The following MDN1 variants were observed in gnomAD, a reference collection of about 807,000 sequenced individuals.
MDN1 encodes midasin.
Under a neutral mutation model 669.2 loss-of-function variants are expected in MDN1, and 266 were observed. The observed-to-expected ratio is 0.40, with a 90% confidence interval of 0.36 to 0.44. The LOEUF (loss-of-function observed/expected upper bound fraction) is 0.44, where lower values mean the gene tolerates loss of function less well. MDN1 is among the 20% of genes least tolerant of loss of function. The probability of loss-of-function intolerance (pLI) is 1.00; values close to 1 mark genes in which losing one functional copy is unlikely to be tolerated. For synonymous variants in MDN1, 2,385 were observed against 2,457.1 expected, an observed-to-expected ratio of 0.97 and a Z score of 0.87; for missense variants, 5,940 against 6,754.0, an observed-to-expected ratio of 0.88 and a Z score of 4.22.
At chr6:89,804,388 T>C (rs1767878150) in intron 1 of MDN1, among the ~76,000 whole-genome samples, 1 of 152,144 alleles carries the variant, frequency 6.6e-6, no homozygotes, top group Admixed American at 6.6e-5. Context: ...CTGTTACAAA[T>C]AAGTTTCAGT....
chr6:89,745,473 G>C lies in MDN1; in HGVS notation c.4039+19C>G. On this transcript the variant is annotated intron_variant, in intron 28 of 101. Coordinates refer to ENST00000369393, the MANE Select transcript of MDN1 (RefSeq NM_014611.3). ...GTACAACTCAAATCATATTCCTCTA[G>C]GGATTTTGGCCTACTCACCCAGCAA... is the stretch of plus-strand genomic sequence containing the variant. 6.2e-7 allele frequency: 1 copy of C among 1,613,888 alleles called. No individual in the cohort carries two copies. Among genetic ancestry groups the C allele is most frequent in the Non-Finnish European group, 8.5e-7 (1 of 1,179,906 alleles).
intron 13 of MDN1, among the ~76,000 whole-genome samples, chr6:89,773,573 TAC>T (rs1481239282): frequency 1.4e-5 from 2 of 138,062 alleles, no homozygotes; most frequent in African/African-American, 5.4e-5. Flanking sequence ...AGAAAAGAAA[TAC>T]ACACACAAGG....
intron 27 of MDN1, among the ~76,000 whole-genome samples, chr6:89,746,490 G>A (rs1199126783): frequency 6.6e-6 from 1 of 151,634 alleles, no homozygotes; most frequent in Non-Finnish European, 1.5e-5. Context: ...GCTGAGGCAG[G>A]AGAACTGCTT....
At chr6:89,712,451 C>G (rs1397860001) in intron 48 of MDN1, 124 bp downstream of exon 48, 6 of 1,067,322 alleles carry the variant, frequency 5.6e-6, no homozygotes, top group Non-Finnish European at 7.0e-6. Context: ...AACAATAAAA[C>G]TATGACAGCT....
rs1584116741 is a variant in MDN1, at chr6:89,663,062, C to G, written c.14237-95G>C. On this transcript the variant is annotated intron_variant, in intron 85 of 101. Transcript: ENST00000369393. ...TGGACCCGCTTCCCTAGCAAGGGCCCCACCTGAGATTTATTGCCTTTTTCT... is the reference window on the plus strand; with the variant it reads ...TGGACCCGCTTCCCTAGCAAGGGCCGCACCTGAGATTTATTGCCTTTTTCT... 8 of 1,387,508 alleles carry G rather than the reference C, an allele frequency of 5.8e-6. No homozygotes were observed. In the East Asian group the frequency reaches 1.6e-4, roughly 28 times the overall value. The allele number at this position is 1,387,508 out of a possible 1,614,324, so 85.9% of individuals were successfully genotyped here.
chr6:89,656,235 A>C (rs936946051), intron 91 of MDN1, among the ~76,000 whole-genome samples: 8 of 152,160 alleles, frequency 5.3e-5, no homozygotes, highest in Non-Finnish European at 1.2e-4. Context: ...ATATCTCTGA[A>C]AGAAGGAATT....
Position 89,661,509 on chromosome 6 carries a change from A to G in MDN1, c.14635T>C (p.Leu4879=), listed in dbSNP as rs113950628. 1.2e-6 allele frequency: 2 copies of G among 1,614,050 alleles called. No homozygotes were observed. The highest frequency in any genetic ancestry group is 1.7e-6 in the Non-Finnish European group (2 of 1,180,020). The change falls in exon 88 of 102, where the codon TTG becomes CTG. Residue 4879 remains leucine (L), a synonymous_variant. Transcript: ENST00000369393. ...AGGTTCAAGTCATCTGGAAGGTCCA[A>G]AGCCTCGGGTTCTGGCACCTTTTCC... is the stretch of plus-strand genomic sequence containing the variant. ...NQEKVPEPEA[L]DLPDDLNLDS... is the part of the protein sequence containing the mutation.
chr6:89,738,507 T>G (rs200454156), intron 32 of MDN1, 52 bp from the exon 33 acceptor site: 1 of 1,598,332 alleles, frequency 6.3e-7, no homozygotes, highest in Non-Finnish European at 8.6e-7. Context: ...TAAGGAAAGC[T>G]GGAAAACAAG....
chr6:89,691,550 GT>G (rs935805185), intron 63 of MDN1, among the ~76,000 whole-genome samples: 1 of 150,198 alleles, frequency 6.7e-6, no homozygotes, highest in African/African-American at 2.5e-5. Context: ...GTTTTTTTTT[GT>G]TTTTTTGGCA....
intron 38 of MDN1, among the ~76,000 whole-genome samples, chr6:89,723,878 C>CT (rs1260971526): frequency 6.6e-6 from 1 of 152,160 alleles, no homozygotes; most frequent in African/African-American, 2.4e-5. Context: ...AGTGCGGTGG[C>CT]TCACACCTGT....
At chr6:89,798,308 G>A (rs1819723202) in intron 2 of MDN1, among the ~76,000 whole-genome samples, 1 of 151,988 alleles carries the variant, frequency 6.6e-6, no homozygotes, top group Non-Finnish European at 1.5e-5. Context: ...GAGGTTGGGA[G>A]TTCGAGACCA....
chr6:89,803,912 TTTTTTTG>T (rs1193585057), intron 1 of MDN1, among the ~76,000 whole-genome samples: 4,844 of 119,724 alleles, frequency 0.04, 123 homozygotes, highest in Non-Finnish European at 0.054. Flanking sequence ...TTTTTTTTTT[TTTTTTTG>T]GAGACAGAGT....
chr6:89,644,927 G>T, intron 101 of MDN1, 88 bp downstream of exon 101: 1 of 1,373,342 alleles, frequency 7.3e-7, no homozygotes, highest in South Asian at 1.5e-5. Flanking sequence ...CAGTATGACT[G>T]AGTGATCCAG....
intron 5 of MDN1, among the ~76,000 whole-genome samples, chr6:89,793,064 G>C (rs1254408351): frequency 6.6e-6 from 1 of 152,146 alleles, no homozygotes; most frequent in Non-Finnish European, 1.5e-5. Context: ...GCTCCCACTA[G>C]TGCCAGACTT....
At chr6:89,644,289 C>A in intron 101 of MDN1, 96 bp from the exon 102 acceptor site, 5 of 1,018,538 alleles carry the variant, frequency 4.9e-6, no homozygotes, top group Non-Finnish European at 5.7e-6. Context: ...TTTTACATCT[C>A]CTGTGTCTTA....
intron 5 of MDN1, among the ~76,000 whole-genome samples, chr6:89,791,910 C>T (rs2128326797): frequency 7.8e-6 from 1 of 128,826 alleles, no homozygotes; most frequent in East Asian, 2.3e-4. Context: ...GACAGAGTCT[C>T]ACTCTGGAGT....
chr6:89,698,552 T>C (rs1210353415), intron 59 of MDN1, among the ~76,000 whole-genome samples: 1 of 152,236 alleles, frequency 6.6e-6, no homozygotes, highest in Non-Finnish European at 1.5e-5. Flanking sequence ...AGAGTGGATA[T>C]TTCTAATGAA....
chr6:89,699,868 G>T, intron 57 of MDN1, 141 bp from the exon 58 acceptor site: 1 of 1,168,400 alleles, frequency 8.6e-7, no homozygotes. Flanking sequence ...AAAATTCTCG[G>T]TGACTTTTAA....
rs1215714731 is a variant in MDN1, at chr6:89,670,267, C to T, written c.13956+652G>A. Among the ~76,000 whole-genome samples, 7 of 147,312 alleles carry T rather than the reference C, an allele frequency of 4.8e-5. 1 individual carries two copies. Among genetic ancestry groups the T allele is most frequent in the Admixed American group, 2.7e-4 (4 of 14,660 alleles). Reference sequence around the variant, plus strand: ...TGGCTCACTGCAACCTCCGCCTCCCCGGGTTCAAACAATTCTCCTGTCTCA... The same window carrying T: ...TGGCTCACTGCAACCTCCGCCTCCCTGGGTTCAAACAATTCTCCTGTCTCA... On this transcript the variant is annotated intron_variant, in intron 83 of 101. Coordinates refer to ENST00000369393, the MANE Select transcript of MDN1 (RefSeq NM_014611.3).
Sources: gnomAD v4.1 joint callset for allele counts (sites outside exome capture counted in the v4.1 genomes callset) on GRCh38, gnomAD v4.1.1 for gene constraint, MANE v1.5 for transcripts, NCBI Gene and HGNC (gene_info 2026-07-23, HGNC 2026-07-21) for gene names.